Variants in MYO6 observed in about 807,000 individuals in gnomAD.
The protein encoded by MYO6 is unconventional myosin-VI.
A neutral mutation model predicts 178.7 loss-of-function variants in MYO6; 74 were observed. That is an observed-to-expected ratio of 0.41 (90% confidence interval 0.34 to 0.50). MYO6 has a LOEUF of 0.50. MYO6 is among the 20% of genes least tolerant of loss of function. The pLI is 0.09. For missense variants in MYO6, 1,330 were observed against 1,547.4 expected (o/e 0.86, Z 2.36); for synonymous variants, 477 against 504.6 (o/e 0.95, Z 0.73).
intron 5 of MYO6, 33 bp from the exon 6 acceptor site, chr6:75,832,809 T>C (rs1583219269): frequency 7.9e-7 from 1 of 1,261,994 alleles, no homozygotes; most frequent in East Asian, 2.3e-5. Context: ...ATTTAATATA[T>C]TGCTCATCAT....
At chr6:75,815,488 T>C (rs1271216982) in intron 1 of MYO6, among the ~76,000 whole-genome samples, 2 of 152,204 alleles carry the variant, frequency 1.3e-5, no homozygotes, top group African/African-American at 4.8e-5. Context: ...ATAAATGGTA[T>C]TTAAAGCCAT....
chr6:75,751,102 C>G (rs1776853951), intron 1 of MYO6, among the ~76,000 whole-genome samples: 1 of 152,124 alleles, frequency 6.6e-6, no homozygotes, highest in South Asian at 2.1e-4. Flanking sequence ...ATTGTAGAAA[C>G]CGCCACAAAT....
chr6:75,911,817 A>G, intron 33 of MYO6, 119 bp downstream of exon 33: 1 of 937,516 alleles, frequency 1.1e-6, no homozygotes, highest in South Asian at 1.4e-5. Context: ...GTAGTGTGTT[A>G]AAGTTGTTAT....
intron 1 of MYO6, among the ~76,000 whole-genome samples, chr6:75,775,318 A>G (rs1766275182): frequency 6.6e-6 from 1 of 152,194 alleles, no homozygotes; most frequent in African/African-American, 2.4e-5. Context: ...CAGGCACAGA[A>G]GAAATTGTGC....
At chr6:75,784,707 G>A (rs1372422745) in intron 1 of MYO6, among the ~76,000 whole-genome samples, 1 of 150,800 alleles carries the variant, frequency 6.6e-6, no homozygotes, top group African/African-American at 2.5e-5. Flanking sequence ...AACCCGGGAG[G>A]CGGAGCTTGC....
At chr6:75,833,022 T>G (rs1413091547) in intron 6 of MYO6, 75 bp downstream of exon 6, 14 of 1,026,616 alleles carry the variant, frequency 1.4e-5, no homozygotes. Context: ...GGTCTTACTG[T>G]GTCACCCAGG....
intron 13 of MYO6, among the ~76,000 whole-genome samples, chr6:75,858,442 CTA>C (rs1302689173): frequency 2.0e-5 from 3 of 152,198 alleles, no homozygotes; most frequent in Admixed American, 6.5e-5. Context: ...CCTGTCTCTA[CTA>C]AAAATACAAA....
At chr6:75,765,817 A>G (rs1778366537) in intron 1 of MYO6, among the ~76,000 whole-genome samples, 1 of 152,176 alleles carries the variant, frequency 6.6e-6, no homozygotes, top group East Asian at 1.9e-4. Flanking sequence ...ATTTGAGCCC[A>G]GGAGTTTAAG....
At chr6:75,887,245 C>A in intron 25 of MYO6, among the ~76,000 whole-genome samples, 1 of 152,176 alleles carries the variant, frequency 6.6e-6, no homozygotes, top group East Asian at 1.9e-4. Context: ...TCCCTCGCAA[C>A]TTAATACCTA....
intron 1 of MYO6, among the ~76,000 whole-genome samples, chr6:75,804,315 T>A (rs1682004863): frequency 6.6e-6 from 1 of 152,206 alleles, no homozygotes; most frequent in African/African-American, 2.4e-5. Flanking sequence ...TGCCCCATTT[T>A]CTCACAGTAT....
In MYO6 at chr6:75,903,857, G is replaced by A. The variant is rs868022947; in HGVS notation, c.3177-3748G>A. On this transcript the variant is annotated intron_variant, in intron 30 of 34. Transcript: ENST00000369977. ...TTACATTTTGGCATGATTTTGCAGC[G>A]GCTGGTACCGGTTGTTCCTTTCCAT... is the stretch of plus-strand genomic sequence containing the variant. 4.3e-3 allele frequency among the ~76,000 whole-genome samples: 646 copies of A among 151,750 alleles called. 7 individuals are homozygous for A. Among genetic ancestry groups the A allele is most frequent in the African/African-American group, 0.015 (614 of 41,350 alleles).
chr6:75,887,805 C>G (rs977702922), intron 25 of MYO6, among the ~76,000 whole-genome samples: 5 of 146,858 alleles, frequency 3.4e-5, no homozygotes, highest in African/African-American at 1.0e-4. Context: ...AACCTTGTCT[C>G]TACTAAAAAT....
intron 9 of MYO6, among the ~76,000 whole-genome samples, chr6:75,842,925 C>G (rs1774375468): frequency 6.6e-6 from 1 of 152,150 alleles, no homozygotes; most frequent in Non-Finnish European, 1.5e-5. Context: ...TGAAATATAT[C>G]TGGTCAGAGG....
rs77154964 is a variant in MYO6, at chr6:75,917,114, G to C, written c.*2102G>C. 1.9e-3 allele frequency: 285 copies of C among 152,688 alleles called. 2 individuals are homozygous for C. The highest frequency in any genetic ancestry group is 6.3e-3 in the African/African-American group (260 of 41,590). 9.5% of individuals were successfully genotyped at this position (152,688 alleles called of 1,614,324 possible). ...GCTGGAGAAACTTAGGACCCTGTCA[G>C]CCTTTTAAAGGAAACAGCAGGAGTG... On this transcript the variant is annotated 3_prime_UTR_variant, in exon 35 of 35. Coordinates refer to ENST00000369977, the MANE Select transcript of MYO6 (RefSeq NM_004999.4).
In MYO6 at chr6:75,916,339, A is replaced by C. The variant is rs1462351639; in HGVS notation, c.*1327A>C. 6.6e-6 allele frequency: 1 copy of C among 152,534 alleles called. No individual in the cohort carries two copies. The highest frequency in any genetic ancestry group is 1.5e-5 in the Non-Finnish European group (1 of 68,036). 9.4% of individuals were successfully genotyped at this position (152,534 alleles called of 1,614,324 possible). A position where few individuals can be genotyped will look rare whatever the true frequency, so the allele number is the denominator to read the frequency against. ...GAAAGATTACCTCAGTTAGGGAAGTATTTCCCAGCTGACTAGTGTTTGTGA... is the reference window on the plus strand; with the variant it reads ...GAAAGATTACCTCAGTTAGGGAAGTCTTTCCCAGCTGACTAGTGTTTGTGA... On this transcript the variant is annotated 3_prime_UTR_variant, in exon 35 of 35. Transcript: ENST00000369977.
At chr6:75,864,485 C>G (rs1258298051) in intron 16 of MYO6, among the ~76,000 whole-genome samples, 1 of 152,196 alleles carries the variant, frequency 6.6e-6, no homozygotes, top group African/African-American at 2.4e-5. Flanking sequence ...CTCAACAAAA[C>G]TTCTGCTAAA....
chr6:75,749,448 G>A (rs1776648455), intron 1 of MYO6, 25 bp downstream of exon 1: 1 of 152,230 alleles, frequency 6.6e-6, no homozygotes, highest in Non-Finnish European at 1.5e-5. Context: ...GACCCACTGC[G>A]GGGCGTCGGC....
intron 25 of MYO6, among the ~76,000 whole-genome samples, chr6:75,889,632 C>T (rs1778745766): frequency 1.3e-5 from 2 of 152,104 alleles, no homozygotes; most frequent in South Asian, 2.1e-4. Flanking sequence ...AGGCTGGTCT[C>T]GAACTCCTGA....
Position 75,892,676 on chromosome 6 carries a change from C to A in MYO6, c.3093C>A (p.Asp1031Glu). ...AELISDEAQA[D>E]LALRRNDGTR... ...TCATCAGTGATGAGGCCCAGGCCGA[C>A]CTGGCGCTGCGGAGGTACTGGGGCC... is the stretch of plus-strand genomic sequence containing the variant. Residue 1031 changes from aspartate to glutamate, a missense_variant, in exon 28 of 35, where the codon GAC (aspartate) becomes GAA (glutamate). Physicochemically the swap from Asp to Glu is conservative, Grantham distance 45 (BLOSUM62 2). Around this residue, in one of 3 missense-constraint regions of MYO6, gnomAD observed 601 missense variants for 626.1 expected, o/e 0.96. Coordinates refer to ENST00000369977, the MANE Select transcript of MYO6 (RefSeq NM_004999.4). 1 of 1,612,388 alleles carries A rather than the reference C, an allele frequency of 6.2e-7. No individual in the cohort carries two copies. The highest frequency in any genetic ancestry group is 1.1e-5 in the South Asian group (1 of 91,004).
Sources: allele counts gnomAD v4.1 joint callset (sites outside exome capture counted in the v4.1 genomes callset), GRCh38; gene constraint gnomAD v4.1.1; regional missense constraint gnomAD v4.1.1; transcripts MANE v1.5; gene names NCBI Gene and HGNC (gene_info 2026-07-23, HGNC 2026-07-21).